Variants in FOXP1 observed in about 807,000 individuals in gnomAD.
The protein encoded by FOXP1 is forkhead box protein P1.
FOXP1 carries 15 observed loss-of-function variants against 98.2 expected under a neutral mutation model. That is an observed-to-expected ratio of 0.15 (90% CI 0.10 to 0.24). The LOEUF is 0.24. Ranked by LOEUF, FOXP1 falls within the 10% of genes least tolerant of loss-of-function variation. The probability of loss-of-function intolerance (pLI) is 1.00; values close to 1 mark genes in which losing one functional copy is unlikely to be tolerated. For synonymous variants in FOXP1, 371 were observed against 314.5 expected, an observed-to-expected ratio of 1.18 and a Z score of -1.90; for missense variants, 633 against 848.5, an observed-to-expected ratio of 0.75 and a Z score of 3.15.
At chr3:70,989,938 T>C (rs2040347897) in intron 13 of FOXP1, among the ~76,000 whole-genome samples, 1 of 152,218 alleles carries the variant, frequency 6.6e-6, no homozygotes, top group South Asian at 2.1e-4. Context: ...ACTGATCTTT[T>C]ACTGGTCAGC....
chr3:71,027,632 G>A (rs2046305801), intron 11 of FOXP1, among the ~76,000 whole-genome samples: 1 of 151,934 alleles, frequency 6.6e-6, no homozygotes, highest in African/African-American at 2.4e-5. Context: ...TCCAAAACTG[G>A]GATGCATATG....
intron 7 of FOXP1, among the ~76,000 whole-genome samples, chr3:71,077,637 A>G (rs1211464949): frequency 1.3e-5 from 2 of 152,188 alleles, no homozygotes; most frequent in Non-Finnish European, 2.9e-5. Context: ...TAGTCACTTC[A>G]TCATTCCATT....
chr3:71,458,592 T>A (rs1284482133), intron 3 of FOXP1, among the ~76,000 whole-genome samples: 2 of 152,222 alleles, frequency 1.3e-5, no homozygotes, highest in Non-Finnish European at 2.9e-5. Context: ...AATAACAGAA[T>A]ATAGCATTTA....
At chr3:71,554,528 G>A (rs991739666) in intron 2 of FOXP1, among the ~76,000 whole-genome samples, 26 of 151,910 alleles carry the variant, frequency 1.7e-4, no homozygotes, top group Admixed American at 1.4e-3. Context: ...GTTTGATTCC[G>A]TGTACTGGAT....
chr3:71,274,871 A>G (rs1435297393), intron 5 of FOXP1, among the ~76,000 whole-genome samples: 2 of 152,192 alleles, frequency 1.3e-5, no homozygotes, highest in African/African-American at 4.8e-5. Context: ...TATCTGATCA[A>G]TTGTAGCAGG....
chr3:71,074,270 C>T (rs1483252950), intron 7 of FOXP1, among the ~76,000 whole-genome samples: 2 of 152,172 alleles, frequency 1.3e-5, no homozygotes, highest in Non-Finnish European at 2.9e-5. Context: ...CTCTCTCATG[C>T]AGGCTGGAGT....
chr3:71,001,257 A>G (rs1270913736), intron 12 of FOXP1, among the ~76,000 whole-genome samples, 198 bp from the exon 13 acceptor site: 1 of 152,158 alleles, frequency 6.6e-6, no homozygotes. Flanking sequence ...TTATCACCCA[A>G]AGAAAAGCCT....
intron 5 of FOXP1, among the ~76,000 whole-genome samples, chr3:71,219,435 T>C (rs2065190705): frequency 6.6e-6 from 1 of 152,216 alleles, no homozygotes; most frequent in African/African-American, 2.4e-5. Flanking sequence ...TGAAAGTTTA[T>C]TTAAATTTAA....
chr3:71,538,451 G>A (rs116587996), intron 2 of FOXP1, among the ~76,000 whole-genome samples: 1 of 152,172 alleles, frequency 6.6e-6, no homozygotes, highest in South Asian at 2.1e-4. Flanking sequence ...CTTTTAGTTA[G>A]CACAATGTTT....
At chr3:71,278,313 G>A (rs1475351736) in intron 5 of FOXP1, among the ~76,000 whole-genome samples, 1 of 152,178 alleles carries the variant, frequency 6.6e-6, no homozygotes, top group African/African-American at 2.4e-5. Context: ...TAAGAGAGTT[G>A]TCTTCTCTGA....
At chr3:71,002,528 G>A (rs978346878) in intron 12 of FOXP1, among the ~76,000 whole-genome samples, 3 of 152,158 alleles carry the variant, frequency 2.0e-5, no homozygotes, top group Non-Finnish European at 4.4e-5. Flanking sequence ...CTCACCTGGG[G>A]TGAATAATAT....
chr3:71,299,763 C>T (rs897871207), intron 5 of FOXP1, 57 bp downstream of exon 5: 1 of 152,622 alleles, frequency 6.6e-6, no homozygotes, highest in Non-Finnish European at 1.5e-5. Flanking sequence ...ATTAAAATGC[C>T]TGGAAGGCAA....
chr3:71,264,700 C>G (rs1281324273), intron 5 of FOXP1, among the ~76,000 whole-genome samples: 2 of 152,138 alleles, frequency 1.3e-5, no homozygotes, highest in Non-Finnish European at 2.9e-5. Flanking sequence ...ACAAAACTCT[C>G]CATTCAACCA....
At chr3:71,390,769 T>C (rs961183794) in intron 3 of FOXP1, among the ~76,000 whole-genome samples, 3 of 152,182 alleles carry the variant, frequency 2.0e-5, no homozygotes, top group Non-Finnish European at 4.4e-5. Context: ...ATAAGAAAGA[T>C]TTTAAAAGTT....
chr3:71,576,964 T>A (rs944114495), intron 2 of FOXP1, among the ~76,000 whole-genome samples: 1 of 152,166 alleles, frequency 6.6e-6, no homozygotes, highest in Non-Finnish European at 1.5e-5. Context: ...AGGGCATGTA[T>A]TAAAGACTGG....
intron 2 of FOXP1, among the ~76,000 whole-genome samples, chr3:71,504,431 C>T (rs1259640544): frequency 2.0e-5 from 3 of 152,180 alleles, no homozygotes; most frequent in Non-Finnish European, 4.4e-5. Flanking sequence ...TCATCTGACC[C>T]ACTGCCTCAA....
chr3:71,308,773 G>C (rs1438448044), intron 4 of FOXP1, among the ~76,000 whole-genome samples: 1 of 149,562 alleles, frequency 6.7e-6, no homozygotes, highest in Non-Finnish European at 1.5e-5. Context: ...GTGTGTGTGT[G>C]TGTGTGTGTG....
intron 13 of FOXP1, among the ~76,000 whole-genome samples, chr3:70,992,949 C>T (rs2040834642): frequency 6.6e-6 from 1 of 152,154 alleles, no homozygotes; most frequent in Non-Finnish European, 1.5e-5. Flanking sequence ...TTGTGCAGGG[C>T]ATATCAGGAG....
chr3:71,202,127 C>T (rs2063716375), intron 5 of FOXP1, among the ~76,000 whole-genome samples: 1 of 152,158 alleles, frequency 6.6e-6, no homozygotes, highest in Non-Finnish European at 1.5e-5. Context: ...CCTGTTTTTG[C>T]TCCATGCAGT....
Sources: allele counts gnomAD v4.1 joint callset (sites outside exome capture counted in the v4.1 genomes callset), GRCh38; gene constraint gnomAD v4.1.1; transcripts MANE v1.5; gene names NCBI Gene and HGNC (gene_info 2026-07-23, HGNC 2026-07-21).